ERC1: variants seen among roughly 807,000 people sequenced by gnomAD.
ERC1 encodes the protein ELKS/RAB6-interacting/CAST family member 1.
A neutral mutation model predicts 132.0 loss-of-function variants in ERC1; 56 were observed. The observed-to-expected ratio is 0.42, with a 90% CI of 0.34 to 0.53. ERC1 has a LOEUF of 0.53. Among genes scored for constraint, ERC1 ranks in the 20% least tolerant of loss-of-function variants. The probability of loss-of-function intolerance (pLI) is 0.03; values close to 1 mark genes in which losing one functional copy is unlikely to be tolerated. For missense variants in ERC1, 1,202 were observed against 1,349.9 expected (o/e 0.89, Z 1.72); for synonymous variants, 478 against 476.1 (o/e 1.00, Z -0.05).
intron 2 of ERC1, among the ~76,000 whole-genome samples, chr12:1,066,649 C>T (rs1001959243): frequency 6.6e-6 from 1 of 152,018 alleles, no homozygotes; most frequent in African/African-American, 2.4e-5. Flanking sequence ...CCAGCCTGGC[C>T]AACATGGTGA....
At chr12:1,277,411 T>G (rs138395340) in intron 14 of ERC1, among the ~76,000 whole-genome samples, 282 of 152,352 alleles carry the variant, frequency 1.9e-3, no homozygotes, top group African/African-American at 6.5e-3. Context: ...TTTTCAAGAT[T>G]TGCCTCATCT....
intron 1 of ERC1, among the ~76,000 whole-genome samples, chr12:1,015,925 G>A (rs1965433979): frequency 6.7e-6 from 1 of 149,958 alleles, no homozygotes; most frequent in Non-Finnish European, 1.5e-5. Flanking sequence ...CATCAGGTTG[G>A]ACTAGTAATT....
At chr12:1,188,809 A>G (rs1955402749) in intron 11 of ERC1, among the ~76,000 whole-genome samples, 1 of 152,176 alleles carries the variant, frequency 6.6e-6, no homozygotes, top group Non-Finnish European at 1.5e-5. Context: ...TATTTTTTCA[A>G]ACCATTTTAA....
At chr12:1,061,375 C>T (rs1023504827) in intron 2 of ERC1, among the ~76,000 whole-genome samples, 6 of 151,024 alleles carry the variant, frequency 4.0e-5, no homozygotes, top group African/African-American at 9.7e-5. Flanking sequence ...GTCCGCAGAT[C>T]ACTTGAGCCC....
chr12:1,328,112 T>C (rs1027915900), intron 15 of ERC1, among the ~76,000 whole-genome samples: 14 of 152,166 alleles, frequency 9.2e-5, no homozygotes, highest in African/African-American at 3.4e-4. Flanking sequence ...TTCTGCTTCT[T>C]CCAGGTTAAT....
chr12:1,182,211 G>A (rs377072897), intron 10 of ERC1, 146 bp downstream of exon 10: 10 of 675,588 alleles, frequency 1.5e-5, no homozygotes, highest in South Asian at 7.1e-5. Flanking sequence ...ATACCTTAAG[G>A]AATATTTCAG....
chr12:1,407,019 A>G (rs992325404), intron 16 of ERC1, among the ~76,000 whole-genome samples: 1 of 152,170 alleles, frequency 6.6e-6, no homozygotes, highest in Non-Finnish European at 1.5e-5. Context: ...TTTATGCATC[A>G]TGTACCCTGG....
intron 9 of ERC1, among the ~76,000 whole-genome samples, chr12:1,181,506 A>G (rs1954458333): frequency 6.6e-6 from 1 of 152,186 alleles, no homozygotes; most frequent in South Asian, 2.1e-4. Context: ...ATTATTTAAA[A>G]AATGTATTCT....
intron 2 of ERC1, among the ~76,000 whole-genome samples, chr12:1,038,749 A>G (rs889172233): frequency 1.3e-5 from 2 of 152,220 alleles, no homozygotes; most frequent in East Asian, 3.8e-4. Context: ...GGCATAAATG[A>G]TGTAATAAAA....
intron 7 of ERC1, among the ~76,000 whole-genome samples, chr12:1,140,045 T>C (rs1949722793): frequency 6.6e-6 from 1 of 152,110 alleles, no homozygotes; most frequent in South Asian, 2.1e-4. Context: ...TAATGACAAA[T>C]GGGAGCTCAA....
At chr12:1,262,027 G>A (rs2077175656) in intron 13 of ERC1, among the ~76,000 whole-genome samples, 2 of 152,190 alleles carry the variant, frequency 1.3e-5, no homozygotes, top group South Asian at 4.1e-4. Flanking sequence ...ACTTACAAAA[G>A]TGGGCTGTGG....
intron 12 of ERC1, among the ~76,000 whole-genome samples, chr12:1,225,449 T>TAAAACACACACACACACACACACACACAC: frequency 7.6e-6 from 1 of 131,848 alleles, no homozygotes; most frequent in East Asian, 2.2e-4. Context: ...GGCTGTCTCT[T>TAAAACACACACACACACACACACACACAC]ACACACACAC....
rs759995135 is a variant in ERC1 at position 1,189,861 on chromosome 12, A to G, written c.2160A>G (p.Ala720=). The change falls in exon 12 of 19, where the codon GCA becomes GCG. Residue 720 remains alanine, a splice_region_variant and synonymous_variant. Coordinates refer to ENST00000360905, the MANE Select transcript of ERC1 (RefSeq NM_178040.4). ...CLKMESQLKK[A]HEAALEARAS... The stretch of plus-strand genomic sequence containing the variant: ...GATTGAAATGCTTTTCTTTGTAGGC[A>G]CATGAGGCAGCATTGGAAGCCAGAG... 1.4e-5 allele frequency: 22 copies of G among 1,597,892 alleles called. No individual in the cohort carries two copies. The Admixed American group carries it at 3.8e-4, about 28-fold the overall frequency.
intron 1 of ERC1, among the ~76,000 whole-genome samples, chr12:1,007,071 G>GC (rs1963770490): frequency 6.6e-6 from 1 of 152,020 alleles, no homozygotes; most frequent in South Asian, 2.1e-4. Context: ...CACTGTCTCC[G>GC]CCCTCAGGAT....
chr12:1,425,177 A>G (rs566280947), intron 17 of ERC1, among the ~76,000 whole-genome samples: 2 of 152,264 alleles, frequency 1.3e-5, no homozygotes, highest in East Asian at 3.9e-4. Flanking sequence ...CTGTTGTGTA[A>G]ACAAAACTAT....
chr12:1,117,934 T>A (rs1355513915), intron 7 of ERC1, among the ~76,000 whole-genome samples: 1 of 152,158 alleles, frequency 6.6e-6, no homozygotes, highest in East Asian at 1.9e-4. Flanking sequence ...ATTTTAAAAA[T>A]TTTTTGTGGG....
chr12:1,339,785 A>C (rs2083654786), intron 15 of ERC1, among the ~76,000 whole-genome samples: 1 of 152,116 alleles, frequency 6.6e-6, no homozygotes, highest in African/African-American at 2.4e-5. Flanking sequence ...GTGGTTGCTC[A>C]GGGTTGGGGA....
chr12:1,156,571 A>G (rs928548914), intron 8 of ERC1, among the ~76,000 whole-genome samples: 9 of 152,248 alleles, frequency 5.9e-5, no homozygotes, highest in African/African-American at 2.2e-4. Flanking sequence ...GCATAATGAC[A>G]TAACCGTCTC....
chr12:1,359,164 G>A (rs1299743487), intron 15 of ERC1, among the ~76,000 whole-genome samples: 2 of 152,174 alleles, frequency 1.3e-5, no homozygotes, highest in East Asian at 1.9e-4. Context: ...AGGCTCAGTC[G>A]AGGCTTTCTC....
Sources: gnomAD v4.1 joint callset for allele counts (sites outside exome capture counted in the v4.1 genomes callset) on GRCh38, gnomAD v4.1.1 for gene constraint, MANE v1.5 for transcripts, NCBI Gene and HGNC (gene_info 2026-07-23, HGNC 2026-07-21) for gene names.